The following TENM1 variants were observed in gnomAD, a reference collection of about 807,000 sequenced individuals.
TENM1 encodes teneurin-1.
In TENM1, 35 loss-of-function variants were observed where a neutral mutation model predicts 174.8. The observed-to-expected ratio is 0.20, with a 90% CI of 0.15 to 0.27. The LOEUF (loss-of-function observed/expected upper bound fraction) is 0.27. Ranked by LOEUF, TENM1 falls within the 10% of genes least tolerant of loss-of-function variation. TENM1 has a pLI of 1.00. For synonymous variants in TENM1, 781 were observed against 798.7 expected (o/e 0.98, Z 0.37); for missense variants, 1,633 against 2,130.1 (o/e 0.77, Z 4.59).
intron 20 of TENM1, among the ~76,000 whole-genome samples, chrX:124,492,620 C>G (rs1411227079): frequency 9.1e-6 from 1 of 110,313 alleles, no homozygotes; most frequent in Non-Finnish European, 1.9e-5. Context: ...TATAGTCAAA[C>G]AGTTAGGGAG....
At chrX:124,562,661 C>G (rs2048843575) in intron 13 of TENM1, among the ~76,000 whole-genome samples, 1 of 112,691 alleles carries the variant, frequency 8.9e-6, no homozygotes, top group Admixed American at 9.4e-5. Flanking sequence ...GGATGCCCTA[C>G]TCTTTGTACC....
At position 124,392,302 on chromosome X, in the gene TENM1, C is replaced by T. The variant is rs144497923; in HGVS notation, c.5438G>A (p.Arg1813His). 2.6e-5 allele frequency: 31 copies of T among 1,206,886 alleles called. No individual in the cohort carries two copies. Among genetic ancestry groups the T allele is most frequent in the African/African-American group, 2.1e-4 (12 of 57,190 alleles). Residue 1813 changes from arginine (R) to histidine (H), a missense_variant, in exon 28 of 32, where the codon CGC (arginine) becomes CAC (histidine). By Grantham distance (29) the Arg-to-His change is conservative (BLOSUM62 0). Transcript: ENST00000422452. ...ATGGTCATCATAGATCTTTCCTGTG[C>T]GGGTTATATGATCAAAATCTATGGA...
At chrX:125,064,193 A>G in the TENM1 span, among the ~76,000 whole-genome samples, 1 of 110,551 alleles carries the variant, frequency 9.0e-6, no homozygotes, top group Admixed American at 9.7e-5. Context: ...TAGCATTAGG[A>G]GATACACCTA....
chrX:125,045,520 A>C, the TENM1 span, among the ~76,000 whole-genome samples: 1 of 111,696 alleles, frequency 9.0e-6, no homozygotes, highest in East Asian at 2.8e-4. Context: ...GGGAAGATGG[A>C]AACATGTTTA....
intron 27 of TENM1, among the ~76,000 whole-genome samples, chrX:124,400,651 C>A (rs1379032691): frequency 8.9e-6 from 1 of 111,997 alleles, no homozygotes; most frequent in African/African-American, 3.3e-5. Context: ...ACAACTCAGT[C>A]TACAAAATCT....
At chrX:124,870,562 AAG>A (rs2057091181) in intron 3 of TENM1, among the ~76,000 whole-genome samples, 1 of 111,526 alleles carries the variant, frequency 9.0e-6, no homozygotes, top group Admixed American at 9.6e-5. Flanking sequence ...ATGGAGGTGT[AAG>A]AGTGAAAACA....
At chrX:124,409,947 A>C (rs1258038721) in intron 25 of TENM1, among the ~76,000 whole-genome samples, 10 of 109,954 alleles carry the variant, frequency 9.1e-5, no homozygotes, top group African/African-American at 3.3e-4. Flanking sequence ...ATACTGCCCA[A>C]GGTAATTTAT....
chrX:125,142,137 C>A, the TENM1 span, among the ~76,000 whole-genome samples: 1 of 111,940 alleles, frequency 8.9e-6, no homozygotes, highest in Non-Finnish European at 1.9e-5. Flanking sequence ...TGCAACTTGG[C>A]TTTCAAATTA....
At chrX:124,948,073 A>C (rs866088641) in intron 1 of TENM1, among the ~76,000 whole-genome samples, 1 of 112,481 alleles carries the variant, frequency 8.9e-6, no homozygotes, top group South Asian at 3.7e-4. Flanking sequence ...AATTTGTTCA[A>C]AATTTTAACA....
chrX:124,768,644 T>C (rs764081847), intron 3 of TENM1, among the ~76,000 whole-genome samples: 2 of 112,642 alleles, frequency 1.8e-5, no homozygotes, highest in East Asian at 5.5e-4. Flanking sequence ...GCAGTAATGA[T>C]AGAGGAAGAA....
At chrX:124,574,438 A>T (rs2843538) in intron 11 of TENM1, among the ~76,000 whole-genome samples, 33,395 of 110,401 alleles carry the variant, frequency 0.3, 4,020 homozygotes, top group African/African-American at 0.45. Flanking sequence ...TTATGTAAAA[A>T]TTTCAAGATT....
intron 16 of TENM1, among the ~76,000 whole-genome samples, chrX:124,529,393 G>A (rs1314616493): frequency 1.8e-5 from 2 of 111,901 alleles, no homozygotes; most frequent in Non-Finnish European, 3.8e-5. Context: ...GGCCAAGCTT[G>A]TCTATCAGTT....
At chrX:124,646,870 ATT>A in intron 8 of TENM1, 60 bp from the exon 12 acceptor site, 2 of 841,720 alleles carry the variant, frequency 2.4e-6, no homozygotes, top group Non-Finnish European at 3.3e-6. Context: ...TAGAGTCTTT[ATT>A]TTTTTTTAAG....
At chrX:124,455,532 A>C (rs5911855) in intron 22 of TENM1, among the ~76,000 whole-genome samples, 32,553 of 110,404 alleles carry the variant, frequency 0.29, 5,045 homozygotes, top group African/African-American at 0.6. Flanking sequence ...TAAAATTTCA[A>C]ATTTGGCTGT....
chrX:124,396,059 T>A (rs934065117), intron 27 of TENM1, among the ~76,000 whole-genome samples: 6 of 111,831 alleles, frequency 5.4e-5, no homozygotes, highest in Non-Finnish European at 1.1e-4. Context: ...CCTAATGTTC[T>A]TTCTCTGCCT....
In TENM1 at chrX:124,767,747, C is replaced by T. The variant is rs750139631; in HGVS notation, c.536-30550G>A. Among the ~76,000 whole-genome samples, 11 of 111,095 alleles carry T rather than the reference C, an allele frequency of 9.9e-5. No homozygotes were observed. The South Asian group carries it at 2.7e-3, about 27-fold the overall frequency. ...TTGCTGACATGATTTTATTCGACGA[C>T]GTGCATAATATGGACCAAGGCATTT... On this transcript the variant is annotated intron_variant, in intron 3 of 31. Coordinates refer to ENST00000422452, the Ensembl canonical transcript of TENM1.
In TENM1 at chrX:124,888,846, A is replaced by G. The variant is rs1215007365; in HGVS notation, c.535+5450T>C. Among the ~76,000 whole-genome samples the G allele has an allele frequency of 3.6e-5, 4 of 112,112 alleles. No individual in the cohort carries two copies. In the Admixed American group the frequency reaches 3.8e-4, roughly 11 times the overall value. ...AATCCTCACCACAAAAACTCCCAAG[A>G]CTTTGCAGTCACCATTTGACAGATA... On this transcript the variant is annotated intron_variant, in intron 3 of 31. Transcript: ENST00000422452.
At chrX:125,077,857 G>T in the TENM1 span, among the ~76,000 whole-genome samples, 1 of 111,884 alleles carries the variant, frequency 8.9e-6, no homozygotes, top group African/African-American at 3.2e-5. Flanking sequence ...TGGCAGTATT[G>T]ATCATTTTCT....
chrX:124,635,655 A>G (rs1420388694), intron 11 of TENM1, among the ~76,000 whole-genome samples: 2 of 112,422 alleles, frequency 1.8e-5, no homozygotes, highest in African/African-American at 6.5e-5. Context: ...CATCAAGAAG[A>G]GAGTAGTACA....
Sources: allele counts gnomAD v4.1 joint callset (sites outside exome capture counted in the v4.1 genomes callset), GRCh38; gene constraint gnomAD v4.1.1; transcripts MANE v1.5; gene names NCBI Gene and HGNC (gene_info 2026-07-23, HGNC 2026-07-21).